SPMIP2: variants seen among roughly 807,000 people sequenced by gnomAD.
SPMIP2 encodes sperm microtubule inner protein 2, also known as protein SPMIP2.
At chr4:159,019,390 G>A in the SPMIP2 span, among the ~76,000 whole-genome samples, 1 of 151,984 alleles carries the variant, frequency 6.6e-6, no homozygotes, top group South Asian at 2.1e-4. Context: ...GAGTAGAGGT[G>A]GGTATCTACT....
At chr4:158,972,820 G>A in the SPMIP2 span, among the ~76,000 whole-genome samples, 2 of 152,276 alleles carry the variant, frequency 1.3e-5, no homozygotes, top group African/African-American at 4.8e-5. Flanking sequence ...ATGTGAATCA[G>A]AATACATTCC....
chr4:159,037,947 A>G, the SPMIP2 span, among the ~76,000 whole-genome samples: 38 of 152,024 alleles, frequency 2.5e-4, 1 homozygote, highest in African/African-American at 9.2e-4. Flanking sequence ...ATCACTCAAT[A>G]GCATTACGTA....
chr4:159,003,146 C>T, the SPMIP2 span, among the ~76,000 whole-genome samples: 5 of 152,188 alleles, frequency 3.3e-5, no homozygotes, highest in African/African-American at 1.2e-4. Flanking sequence ...GTAATTCGCC[C>T]TGTGACCTTT....
the SPMIP2 span, among the ~76,000 whole-genome samples, chr4:158,911,591 C>G: frequency 6.6e-6 from 1 of 152,248 alleles, no homozygotes; most frequent in South Asian, 2.1e-4. Context: ...GTTCCTAGCA[C>G]AAAATTCAAT....
chr4:159,043,377 C>T, the SPMIP2 span, among the ~76,000 whole-genome samples: 1 of 152,164 alleles, frequency 6.6e-6, no homozygotes, highest in Non-Finnish European at 1.5e-5. Context: ...GACGGAGTCT[C>T]ACTCTGTCGC....
the SPMIP2 span, among the ~76,000 whole-genome samples, chr4:158,914,956 C>CGAGG: frequency 6.6e-6 from 1 of 152,178 alleles, no homozygotes. Flanking sequence ...GACACAACCT[C>CGAGG]TTGTTTTCTT....
chr4:158,991,231 T>A, the SPMIP2 span, among the ~76,000 whole-genome samples: 2 of 152,196 alleles, frequency 1.3e-5, no homozygotes, highest in African/African-American at 4.8e-5. Context: ...ATGGGCAGAC[T>A]GGGGACAGAA....
chr4:158,970,548 AAAAC>A, the SPMIP2 span, among the ~76,000 whole-genome samples: 12 of 6,262 alleles, frequency 1.9e-3, no homozygotes, highest in South Asian at 0.036. Context: ...TCAAAAAAGA[AAAAC>A]AAAAAAAAAA....
At chr4:158,963,455 C>T in the SPMIP2 span, among the ~76,000 whole-genome samples, 2 of 152,144 alleles carry the variant, frequency 1.3e-5, no homozygotes, top group African/African-American at 4.8e-5. Flanking sequence ...GTGCACACCA[C>T]CATGCCCAGC....
the SPMIP2 span, among the ~76,000 whole-genome samples, chr4:159,013,156 C>G: frequency 6.6e-6 from 1 of 152,154 alleles, no homozygotes; most frequent in African/African-American, 2.4e-5. Context: ...AATGGTGCAG[C>G]TGCTGCAGGA....
the SPMIP2 span, among the ~76,000 whole-genome samples, chr4:159,012,497 G>A: frequency 6.6e-6 from 1 of 152,172 alleles, no homozygotes; most frequent in African/African-American, 2.4e-5. Context: ...AATAGACATG[G>A]TGAGAACACT....
chr4:158,990,419 C>T, the SPMIP2 span, among the ~76,000 whole-genome samples: 1 of 152,174 alleles, frequency 6.6e-6, no homozygotes, highest in African/African-American at 2.4e-5. Flanking sequence ...TATAAAGACA[C>T]ATGCACACGT....
the SPMIP2 span, among the ~76,000 whole-genome samples, chr4:158,994,873 G>A: frequency 1.3e-5 from 2 of 152,144 alleles, no homozygotes; most frequent in Non-Finnish European, 2.9e-5. Context: ...CTCCAATTCT[G>A]ACATTTACCA....
chr4:158,895,961 G>A, the SPMIP2 span: 1 of 869,040 alleles, frequency 1.2e-6, no homozygotes, highest in South Asian at 1.5e-5. Flanking sequence ...TAAACCTCAG[G>A]CCCTGGTAAC....
chr4:158,909,112 A>T, the SPMIP2 span, among the ~76,000 whole-genome samples: 2 of 152,224 alleles, frequency 1.3e-5, no homozygotes, highest in African/African-American at 4.8e-5. Flanking sequence ...ATATAAATTG[A>T]GTATATTTGT....
the SPMIP2 span, among the ~76,000 whole-genome samples, chr4:158,952,640 G>C: frequency 6.6e-6 from 1 of 152,188 alleles, no homozygotes. Flanking sequence ...ACAGGCAGAG[G>C]TTGGAACAGT....
chr4:158,915,364 A>G, the SPMIP2 span: 1 of 1,604,014 alleles, frequency 6.2e-7, no homozygotes, highest in Non-Finnish European at 8.5e-7. Flanking sequence ...GGTTGCCTGG[A>G]ATAGGAACAA....
the SPMIP2 span, among the ~76,000 whole-genome samples, chr4:159,065,121 T>C: frequency 6.6e-6 from 1 of 152,258 alleles, no homozygotes; most frequent in African/African-American, 2.4e-5. Flanking sequence ...TTTGCACTTT[T>C]ATTTTGAAAG....
At chr4:158,958,388 C>T in the SPMIP2 span, among the ~76,000 whole-genome samples, 1 of 152,188 alleles carries the variant, frequency 6.6e-6, no homozygotes, top group Non-Finnish European at 1.5e-5. Flanking sequence ...CCTTGCTGGG[C>T]CTCCCAAAGT....
Sources: gnomAD v4.1 joint callset for allele counts (sites outside exome capture counted in the v4.1 genomes callset) on GRCh38, gnomAD v4.1.1 for gene constraint, MANE v1.5 for transcripts, NCBI Gene and HGNC (gene_info 2026-07-23, HGNC 2026-07-21) for gene names.